TMEM216: variants seen among roughly 807,000 people sequenced by gnomAD.
TMEM216 encodes cerebello-oculo-renal syndrome 2.
In TMEM216, 15 loss-of-function variants were observed where a neutral mutation model predicts 17.8. That is an observed-to-expected ratio of 0.84 (90% CI 0.56 to 1.30). The LOEUF (loss-of-function observed/expected upper bound fraction) is 1.30. Ranked by LOEUF, TMEM216 falls within the 50% of genes most tolerant of loss-of-function variation. TMEM216 has a pLI of 0.00. For synonymous variants in TMEM216, 58 were observed against 73.5 expected, an observed-to-expected ratio of 0.79 and a Z score of 1.08; for missense variants, 160 against 175.7, an observed-to-expected ratio of 0.91 and a Z score of 0.51.
chr11:61,395,003 G>T (rs567157068), intron 3 of TMEM216, among the ~76,000 whole-genome samples: 1 of 151,988 alleles, frequency 6.6e-6, no homozygotes, highest in East Asian at 1.9e-4. Context: ...TTGAGACAGG[G>T]TCTCATTCTG....
At chr11:61,394,070 A>T (rs1314899048) in intron 3 of TMEM216, 94 bp downstream of exon 3, 3 of 1,137,402 alleles carry the variant, frequency 2.6e-6, no homozygotes, top group Non-Finnish European at 4.0e-6. Context: ...TAGGTTGACT[A>T]TCATAGACTG....
Position 61,398,623 on chromosome 11 carries a change from TC to T in TMEM216, c.*348del, listed in dbSNP as rs1565090766. The T allele has an allele frequency of 1.3e-5, 4 of 312,696 alleles. No homozygotes were observed. The highest frequency in any genetic ancestry group is 8.3e-5 in the African/African-American group (4 of 47,928). The allele number at this position is 312,696 out of a possible 1,614,324, so 19.4% of individuals were successfully genotyped here. A position where few individuals can be genotyped will look rare whatever the true frequency, so the allele number is the denominator to read the frequency against. ...GTGGACCATCTAGGCTCCTTGGGCTTCAAGCAGGACCTGAGCCACATGCTCC... is the reference window on the plus strand; with the variant it reads ...GTGGACCATCTAGGCTCCTTGGGCTTAAGCAGGACCTGAGCCACATGCTCC... On this transcript the variant is annotated 3_prime_UTR_variant, in exon 5 of 5. Transcript: ENST00000515837.
rs541341560 is a variant in TMEM216 at position 61,398,282 on chromosome 11, A to C, written c.*6A>C. Reference sequence around the variant, plus strand: ...ATCGTATGGACAGGATTTGAAGTACAGAATTTCAGCCAGCAGCCCATCAGG... The same window carrying C: ...ATCGTATGGACAGGATTTGAAGTACCGAATTTCAGCCAGCAGCCCATCAGG... On this transcript the variant is annotated 3_prime_UTR_variant, in exon 5 of 5. Transcript: ENST00000515837. The C allele has an allele frequency of 1.2e-6, 2 of 1,611,776 alleles. No individual in the cohort carries two copies. The highest frequency in any genetic ancestry group is 1.7e-6 in the Non-Finnish European group (2 of 1,178,592).
At position 61,398,359 on chromosome 11, in the gene TMEM216, G is replaced by T; in HGVS notation, c.*83G>T. On this transcript the variant is annotated 3_prime_UTR_variant, in exon 5 of 5. Transcript: ENST00000515837. Reference sequence around the variant, plus strand: ...ACTTTAGCCACACCAGTGAGAATTGGTGGGGCAAGTTGTCCTGAGAAAGGC... The same window carrying T: ...ACTTTAGCCACACCAGTGAGAATTGTTGGGGCAAGTTGTCCTGAGAAAGGC... 1 of 1,473,248 alleles carries T rather than the reference G, an allele frequency of 6.8e-7. No homozygotes were observed. The highest frequency in any genetic ancestry group is 1.2e-5 in the South Asian group (1 of 83,464). The allele number at this position is 1,473,248 out of a possible 1,614,324, so 91.3% of individuals were successfully genotyped here.
intron 3 of TMEM216, among the ~76,000 whole-genome samples, chr11:61,394,820 C>A (rs954016213): frequency 5.9e-5 from 9 of 151,336 alleles, no homozygotes; most frequent in African/African-American, 1.7e-4. Context: ...GCGCCTGCCA[C>A]CATGCCCGGC....
chr11:61,398,191 A>C (rs979252147), intron 4 of TMEM216, 79 bp from the exon 5 acceptor site: 14 of 1,564,596 alleles, frequency 8.9e-6, no homozygotes, highest in Non-Finnish European at 1.2e-5. Context: ...GGAGGCTTGG[A>C]ATATAGAACA....
At chr11:61,396,473 G>A (rs1326219450) in intron 3 of TMEM216, among the ~76,000 whole-genome samples, 8 of 150,386 alleles carry the variant, frequency 5.3e-5, no homozygotes, top group Non-Finnish European at 7.4e-5. Context: ...GCTAGACTCT[G>A]TCTCAAAAAA....
At chr11:61,396,451 C>T (rs575478826) in intron 3 of TMEM216, among the ~76,000 whole-genome samples, 1 of 151,810 alleles carries the variant, frequency 6.6e-6, no homozygotes, top group African/African-American at 2.4e-5. Flanking sequence ...TGCACTCTAG[C>T]CTGGCGAGAG....
chr11:61,393,081 GC>G, intron 1 of TMEM216, 149 bp from the exon 2 acceptor site: 1 of 464,742 alleles, frequency 2.2e-6, no homozygotes, highest in South Asian at 2.9e-5. Flanking sequence ...CCGTACCCTC[GC>G]CCCCTCATTA....
chr11:61,398,335 CT>C lies in TMEM216; in HGVS notation c.*62del. Reference sequence around the variant, plus strand: ...GACACCACACATATTGCTTCTGGTACTTTAGCCACACCAGTGAGAATTGGTG... The same window carrying C: ...GACACCACACATATTGCTTCTGGTACTTAGCCACACCAGTGAGAATTGGTG... On this transcript the variant is annotated 3_prime_UTR_variant, in exon 5 of 5. Transcript: ENST00000515837. The C allele has an allele frequency of 1.3e-6, 2 of 1,576,680 alleles. No homozygotes were observed. Among genetic ancestry groups the C allele is most frequent in the Admixed American group, 1.7e-5 (1 of 58,020 alleles).
At chr11:61,396,664 G>A (rs948002807) in intron 3 of TMEM216, among the ~76,000 whole-genome samples, 10 of 150,770 alleles carry the variant, frequency 6.6e-5, no homozygotes, top group African/African-American at 2.4e-4. Context: ...CATGGTGGCG[G>A]GCACCTGTAA....
chr11:61,395,040 G>A (rs1242493221), intron 3 of TMEM216, among the ~76,000 whole-genome samples: 3 of 151,708 alleles, frequency 2.0e-5, no homozygotes, highest in Admixed American at 1.3e-4. Context: ...ACAGTGGTAC[G>A]ATCATAGCTC....
intron 1 of TMEM216, chr11:61,392,956 A>C (rs1343100772): frequency 1.2e-6 from 1 of 843,214 alleles, no homozygotes; most frequent in Non-Finnish European, 1.4e-6. Context: ...ACAGAGTGAG[A>C]TCTTTGAGAT....
intron 3 of TMEM216, among the ~76,000 whole-genome samples, chr11:61,394,468 A>G (rs1440412557): frequency 6.6e-6 from 1 of 151,374 alleles, no homozygotes; most frequent in Non-Finnish European, 1.5e-5. Flanking sequence ...TCCCGGGATC[A>G]AGCGATTCTC....
At position 61,392,624 on chromosome 11, in the gene TMEM216, G is replaced by A. The variant is rs1005441704; in HGVS notation, c.-8G>A. 3.9e-6 allele frequency: 6 copies of A among 1,535,016 alleles called. No homozygotes were observed. The highest frequency in any genetic ancestry group is 5.2e-6 in the Non-Finnish European group (6 of 1,146,230). On this transcript the variant is annotated 5_prime_UTR_variant, in exon 1 of 5. Transcript: ENST00000515837. ...GCCGCGCTGCTCCGGGAGCCGCTGT[G>A]GCAGCGTATGCTGCCACGGGGACTG...
At chr11:61,393,596 GCCCACTGGTGA>G (rs1328010371) in intron 2 of TMEM216, among the ~76,000 whole-genome samples, 1 of 152,152 alleles carries the variant, frequency 6.6e-6, no homozygotes, top group East Asian at 1.9e-4. Flanking sequence ...TCCACTGTAA[GCCCACTGGTGA>G]CCCTTAGAAA....
intron 3 of TMEM216, among the ~76,000 whole-genome samples, chr11:61,397,541 G>T (rs1858826109): frequency 6.6e-6 from 1 of 152,054 alleles, no homozygotes; most frequent in Non-Finnish European, 1.5e-5. Context: ...AGATCCCATT[G>T]TCCCTTGAGT....
Position 61,392,611 on chromosome 11 carries a change from C to G in TMEM216, c.-21C>G, listed in dbSNP as rs1387747997. 1 of 1,535,254 alleles carries G rather than the reference C, an allele frequency of 6.5e-7. No homozygotes were observed. The highest frequency in any genetic ancestry group is 8.7e-7 in the Non-Finnish European group (1 of 1,146,674). ...TGTTTCCGGCAGCGCCGCGCTGCTC[C>G]GGGAGCCGCTGTGGCAGCGTATGCT... On this transcript the variant is annotated 5_prime_UTR_variant, in exon 1 of 5. Coordinates refer to ENST00000515837, the MANE Select transcript of TMEM216 (RefSeq NM_001173990.3).
intron 3 of TMEM216, among the ~76,000 whole-genome samples, chr11:61,394,709 T>C (rs1858760415): frequency 6.9e-6 from 1 of 144,656 alleles, no homozygotes; most frequent in Non-Finnish European, 1.5e-5. Context: ...CTCTGTCACC[T>C]GGGCTGGAGT....
Sources: gnomAD v4.1 joint callset for allele counts (sites outside exome capture counted in the v4.1 genomes callset) on GRCh38, gnomAD v4.1.1 for gene constraint, MANE v1.5 for transcripts, NCBI Gene and HGNC (gene_info 2026-07-23, HGNC 2026-07-21) for gene names.